C1RL: variants seen among roughly 807,000 people sequenced by gnomAD.
The protein encoded by C1RL is complement C1r subcomponent-like protein.
Under a neutral mutation model 27.9 loss-of-function variants are expected in C1RL, and 27 were observed. That is an observed-to-expected ratio of 0.97 (90% confidence interval 0.71 to 1.33). The LOEUF (loss-of-function observed/expected upper bound fraction) is 1.33, where lower values mean the gene tolerates loss of function less well. C1RL is among the 40% of genes most tolerant of loss of function. The pLI, the probability that C1RL is intolerant of heterozygous loss-of-function variation, is 0.00. For synonymous variants in C1RL, 248 were observed against 252.1 expected, an observed-to-expected ratio of 0.98 and a Z score of 0.15; for missense variants, 563 against 623.9, an observed-to-expected ratio of 0.90 and a Z score of 1.04.
Position 7,108,238 on chromosome 12 carries a change from A to AGAG in C1RL, c.300+12_300+13insCTC, listed in dbSNP as rs755092423. The AGAG allele has an allele frequency of 6.4e-7, 1 of 1,571,168 alleles. No individual in the cohort carries two copies. Among genetic ancestry groups the AGAG allele is most frequent in the Non-Finnish European group, 8.7e-7 (1 of 1,150,252 alleles). ...CCACAGTCCTGGCGGGACCCCCCCC[A>AGAG]TCCCCAGCTCACTGTGACAGAGTCC... On this transcript the variant is annotated intron_variant, in intron 2 of 5. Coordinates refer to ENST00000266542, the MANE Select transcript of C1RL (RefSeq NM_016546.4).
chr12:7,101,088 TCCC>T (rs1938604482), intron 3 of C1RL, among the ~76,000 whole-genome samples: 2 of 114,504 alleles, frequency 1.7e-5, no homozygotes, highest in African/African-American at 3.4e-5. Context: ...CTTCCTTCCT[TCCC>T]TCCTTCCCTC....
At chr12:7,102,119 T>A in intron 2 of C1RL, 32 bp from the exon 3 acceptor site, 1 of 1,591,130 alleles carries the variant, frequency 6.3e-7, no homozygotes, top group South Asian at 1.1e-5. Context: ...AGGCTGCAGA[T>A]AGGTGTGGGG....
intron 2 of C1RL, 61 bp from the exon 3 acceptor site, chr12:7,102,148 A>C (rs1196545770): frequency 2.6e-6 from 4 of 1,518,770 alleles, no homozygotes; most frequent in South Asian, 1.2e-5. Context: ...CGCTGCTGGC[A>C]TCACAGGGGC....
intron 2 of C1RL, among the ~76,000 whole-genome samples, chr12:7,106,295 C>T (rs1161844856): frequency 2.0e-5 from 3 of 152,134 alleles, no homozygotes. Context: ...ATGCTATACC[C>T]AGATCAACTA....
chr12:7,099,394 AC>A lies in C1RL; in HGVS notation c.691+291del. ...TCGGTATATCCTTAAAATGTATGGC[AC>A]AAAAAGAGGGTTTTCTGTTACTTCA... is the stretch of plus-strand genomic sequence containing the variant. On this transcript the variant is annotated intron_variant, in intron 5 of 5. Transcript: ENST00000266542. The A allele has an allele frequency of 4.3e-6, 4 of 921,112 alleles. No individual in the cohort carries two copies. The South Asian group carries it at 2.0e-4, about 46-fold the overall frequency. The allele number at this position is 921,112 out of a possible 1,614,324, so 57.1% of individuals were successfully genotyped here.
rs780324893 is a variant in C1RL at position 7,098,082 on chromosome 12, C to A, written c.692-919G>T. Among the ~76,000 whole-genome samples the A allele has an allele frequency of 2.0e-4, 31 of 151,878 alleles. No individual in the cohort carries two copies. In the South Asian group the frequency reaches 4.6e-3, roughly 22 times the overall value. Reference sequence around the variant, plus strand: ...GGAGATCGAGACCATCCTGGCTAACCCGGTGAAACCCCGTCTCTACTAAAA... The same window carrying A: ...GGAGATCGAGACCATCCTGGCTAACACGGTGAAACCCCGTCTCTACTAAAA... On this transcript the variant is annotated intron_variant, in intron 5 of 5. Transcript: ENST00000266542.
At chr12:7,103,852 A>G (rs763222481) in intron 2 of C1RL, among the ~76,000 whole-genome samples, 1 of 152,232 alleles carries the variant, frequency 6.6e-6, no homozygotes, top group Non-Finnish European at 1.5e-5. Flanking sequence ...AAAAATCTCC[A>G]TGATTTAAGA....
In C1RL at chr12:7,096,680, G is replaced by C. The variant is rs765988783; in HGVS notation, c.1175C>G (p.Ser392Trp). The change falls in exon 6 of 6, where the codon TCG becomes TGG. Residue 392 changes from serine (S) to tryptophan (W), a missense_variant. Transcript: ENST00000266542. ...CTCCCTGGGAGCTACAGGCAGCCTC[G>C]AGTACTTCAGCTCAGTAGTTAGCCA... ...MGWLTTELKY[S>W]RLPVAPREAC... 1.2e-6 allele frequency: 2 copies of C among 1,613,974 alleles called. No individual in the cohort carries two copies. The highest frequency in any genetic ancestry group is 2.2e-5 in the East Asian group (1 of 44,874).
At chr12:7,107,119 G>A (rs1938788564) in intron 2 of C1RL, among the ~76,000 whole-genome samples, 2 of 152,150 alleles carry the variant, frequency 1.3e-5, no homozygotes, top group Admixed American at 1.3e-4. Flanking sequence ...AGCACTCAGG[G>A]GCGGGGAGGA....
Position 7,102,073 on chromosome 12 carries a change from A to C in C1RL, c.315T>G (p.Gly105=), listed in dbSNP as rs3742088. ...AGDSVTISFV[G]SDPSQFCGQQ... is the part of the protein sequence containing the mutation. ...GACCACAGAACTGGCTTGGATCCGA[A>C]CCGACGAATGAGATCTGAAAGCGGG... The change falls in exon 3 of 6, where the codon GGT becomes GGG. Residue 105 remains glycine, a synonymous_variant. Transcript: ENST00000266542. 0.088 allele frequency: 141,774 copies of C among 1,606,132 alleles called. 7,033 individuals are homozygous for C. The highest frequency in any genetic ancestry group is 0.18 in the South Asian group (15,946 of 90,952).
rs941835877 is a variant in C1RL at position 7,095,494 on chromosome 12, G to A, written c.*897C>T. On this transcript the variant is annotated 3_prime_UTR_variant, in exon 6 of 6. Transcript: ENST00000266542. ...TTCCCCTGATGATAGGGGCACAGGT[G>A]GGGTGTCTGCAAGAACTTCAGTCCA... 6 of 988,796 alleles carry A rather than the reference G, an allele frequency of 6.1e-6. No homozygotes were observed. Among genetic ancestry groups the A allele is most frequent in the South Asian group, 4.5e-5 (1 of 22,048 alleles). The allele number at this position is 988,796 out of a possible 1,614,324, so 61.3% of individuals were successfully genotyped here.
Position 7,097,043 on chromosome 12 carries a change from G to T in C1RL, c.812C>A (p.Ala271Asp), listed in dbSNP as rs746281381. ...FTSIHGRGGG[A>D]LLGDRWILTA... ...GAGGATCCATCTGTCCCCCAGCAGGGCCCCGCCCCCACGGCCGTGGATACT... is the reference window on the plus strand; with the variant it reads ...GAGGATCCATCTGTCCCCCAGCAGGTCCCCGCCCCCACGGCCGTGGATACT... The change falls in exon 6 of 6, where the codon GCC becomes GAC. Residue 271 changes from alanine (A) to aspartate (D), a missense_variant. Coordinates refer to ENST00000266542, the MANE Select transcript of C1RL (RefSeq NM_016546.4). The T allele has an allele frequency of 1.9e-6, 3 of 1,614,028 alleles. No homozygotes were observed. In the African/African-American group the frequency reaches 4.0e-5, roughly 22 times the overall value.
Position 7,108,283 on chromosome 12 carries a change from G to A in C1RL, c.268C>T (p.Pro90Ser). The A allele has an allele frequency of 6.2e-7, 1 of 1,613,978 alleles. No homozygotes were observed. Among genetic ancestry groups the A allele is most frequent in the Non-Finnish European group, 8.5e-7 (1 of 1,179,904 alleles). ...RLVFQDFDLE[P>S]SQDCAGDSVT... The stretch of plus-strand genomic sequence containing the variant: ...GAGTCCCCTGCACAGTCCTGGGACG[G>A]CTCCAGGTCGAAGTCCTGGAAGACG... The change falls in exon 2 of 6, where the codon CCG becomes TCG. Residue 90 changes from proline (P) to serine (S), a missense_variant. Pro to Ser is a moderately conservative substitution (Grantham distance 74, BLOSUM62 -1). Coordinates refer to ENST00000266542, the MANE Select transcript of C1RL (RefSeq NM_016546.4).
Position 7,096,243 on chromosome 12 carries a change from C to G in C1RL, c.*148G>C. ...CGGGTGGGGGTTTCTCTTGCAGTGG[C>G]TTGGTGCAACAGTGATGTGAATAGG... On this transcript the variant is annotated 3_prime_UTR_variant, in exon 6 of 6. Coordinates refer to ENST00000266542, the MANE Select transcript of C1RL (RefSeq NM_016546.4). 6 of 1,401,208 alleles carry G rather than the reference C, an allele frequency of 4.3e-6. No individual in the cohort carries two copies. Among genetic ancestry groups the G allele is most frequent in the Non-Finnish European group, 5.5e-6 (6 of 1,082,244 alleles). The allele number at this position is 1,401,208 out of a possible 1,614,324, so 86.8% of individuals were successfully genotyped here. A position where few individuals can be genotyped will look rare whatever the true frequency, so the allele number is the denominator to read the frequency against.
At chr12:7,098,583 GAATA>G (rs1413109440) in intron 5 of C1RL, among the ~76,000 whole-genome samples, 2 of 152,146 alleles carry the variant, frequency 1.3e-5, no homozygotes, top group Non-Finnish European at 2.9e-5. Context: ...TCAGTTGAAT[GAATA>G]AACAAAATGG....
chr12:7,102,031 C>G lies in C1RL; in HGVS notation c.357G>C (p.Leu119=). The part of the protein sequence containing the change: ...SQFCGQQGSP[L]GRPPGQREFV... ...ACTCCCTCTGACCAGGGGGCCTGCCCAGAGGGGAGCCTTGCTGACCACAGA... is the reference window on the plus strand; with the variant it reads ...ACTCCCTCTGACCAGGGGGCCTGCCGAGAGGGGAGCCTTGCTGACCACAGA... Residue 119 remains leucine (L), a synonymous_variant, in exon 3 of 6, where the codon CTG becomes CTC. Coordinates refer to ENST00000266542, the MANE Select transcript of C1RL (RefSeq NM_016546.4). 6.2e-7 allele frequency: 1 copy of G among 1,614,094 alleles called. No individual in the cohort carries two copies. Among genetic ancestry groups the G allele is most frequent in the Non-Finnish European group, 8.5e-7 (1 of 1,179,922 alleles).
rs755055442 is a variant in C1RL, at chr12:7,096,719, C to T, written c.1136G>A (p.Gly379Asp). The change falls in exon 6 of 6, where the codon GGC becomes GAC. Residue 379 changes from glycine to aspartate, a missense_variant. By Grantham distance (94) the Gly-to-Asp change is moderately conservative (BLOSUM62 -1). Coordinates refer to ENST00000266542, the MANE Select transcript of C1RL (RefSeq NM_016546.4). ...AGTAGTTAGCCAGCCCATCTCCATGCCAAACCCACTGACGTAGCCCAACAA... is the reference window on the plus strand; with the variant it reads ...AGTAGTTAGCCAGCCCATCTCCATGTCAAACCCACTGACGTAGCCCAACAA... ...SGLLGYVSGFGMEMGWLTTEL... is the reference protein window; with the variant it reads ...SGLLGYVSGFDMEMGWLTTEL... 3.7e-6 allele frequency: 6 copies of T among 1,613,704 alleles called. No homozygotes were observed. In the Admixed American group the frequency reaches 5.0e-5, roughly 13 times the overall value.
chr12:7,101,008 C>T (rs1333154555), intron 3 of C1RL, among the ~76,000 whole-genome samples: 1 of 151,992 alleles, frequency 6.6e-6, no homozygotes, highest in African/African-American at 2.4e-5. Flanking sequence ...AGCCAGAGAT[C>T]AGAGGAAGAC....
intron 2 of C1RL, among the ~76,000 whole-genome samples, chr12:7,107,725 G>A (rs1320665231): frequency 2.0e-5 from 3 of 152,146 alleles, no homozygotes; most frequent in Non-Finnish European, 4.4e-5. Context: ...TCAGTCTCCT[G>A]ACTATACTGC....
Sources: allele counts gnomAD v4.1 joint callset (sites outside exome capture counted in the v4.1 genomes callset), GRCh38; gene constraint gnomAD v4.1.1; transcripts MANE v1.5; gene names NCBI Gene and HGNC (gene_info 2026-07-23, HGNC 2026-07-21).